ERBB4: variants seen among roughly 807,000 people sequenced by gnomAD.
ERBB4 encodes receptor tyrosine-protein kinase erbB-4.
ERBB4 carries 42 observed loss-of-function variants against 158.0 expected under a neutral mutation model. The observed-to-expected ratio is 0.27, with a 90% CI of 0.21 to 0.34. The LOEUF (loss-of-function observed/expected upper bound fraction) is 0.34. Ranked by LOEUF, ERBB4 falls within the 10% of genes least tolerant of loss-of-function variation. The pLI, the probability that ERBB4 is intolerant of heterozygous loss-of-function variation, is 1.00. For synonymous variants in ERBB4, 583 were observed against 558.7 expected (o/e 1.04, Z -0.61); for missense variants, 1,333 against 1,624.1 (o/e 0.82, Z 3.08).
chr2:212,269,269 C>G (rs2085258411), intron 1 of ERBB4, among the ~76,000 whole-genome samples: 1 of 151,842 alleles, frequency 6.6e-6, no homozygotes, highest in African/African-American at 2.4e-5. Flanking sequence ...GCCATTTACT[C>G]ACATCCCCAG....
chr2:212,141,634 G>C (rs549958138), intron 1 of ERBB4, among the ~76,000 whole-genome samples: 1 of 151,750 alleles, frequency 6.6e-6, no homozygotes, highest in Non-Finnish European at 1.5e-5. Flanking sequence ...CACTAACTCA[G>C]GCAAAAATCT....
intron 3 of ERBB4, among the ~76,000 whole-genome samples, chr2:211,891,970 C>T (rs2078980523): frequency 7.3e-6 from 1 of 137,480 alleles, no homozygotes; most frequent in African/African-American, 3.0e-5. Flanking sequence ...CTGACTTCTA[C>T]CAGAGGTACA....
intron 3 of ERBB4, among the ~76,000 whole-genome samples, chr2:211,806,227 C>T (rs544316088): frequency 1.1e-3 from 164 of 152,144 alleles, no homozygotes; most frequent in Non-Finnish European, 2.0e-3. Context: ...ATAAGAAAGG[C>T]AGAGACAGCT....
At chr2:212,469,943 T>C (rs1466553799) in intron 1 of ERBB4, among the ~76,000 whole-genome samples, 1 of 152,188 alleles carries the variant, frequency 6.6e-6, no homozygotes, top group African/African-American at 2.4e-5. Context: ...TAATTATTAA[T>C]ACTGTATTAT....
At chr2:212,041,287 T>C (rs1003763649) in intron 2 of ERBB4, among the ~76,000 whole-genome samples, 1 of 152,108 alleles carries the variant, frequency 6.6e-6, no homozygotes, top group Admixed American at 6.6e-5. Context: ...TGCTGTTTTT[T>C]TTCATAATCT....
chr2:211,423,264 A>AT (rs1425712118), intron 23 of ERBB4, among the ~76,000 whole-genome samples: 2 of 151,964 alleles, frequency 1.3e-5, no homozygotes, highest in Non-Finnish European at 2.9e-5. Flanking sequence ...TGCAAAGAAC[A>AT]TTTTTTATTT....
At chr2:212,018,577 G>A (rs960233445) in intron 2 of ERBB4, among the ~76,000 whole-genome samples, 2 of 152,128 alleles carry the variant, frequency 1.3e-5, no homozygotes, top group African/African-American at 4.8e-5. Context: ...CCTTTGAAAA[G>A]CTATTGAAAG....
intron 3 of ERBB4, among the ~76,000 whole-genome samples, chr2:211,789,323 A>G (rs548914786): frequency 1.6e-4 from 24 of 152,214 alleles, no homozygotes; most frequent in Admixed American, 1.4e-3. Context: ...GCAGTTGCAG[A>G]TATTAGTTCA....
At chr2:212,209,549 G>T (rs4145960) in intron 1 of ERBB4, among the ~76,000 whole-genome samples, 112,014 of 151,882 alleles carry the variant, frequency 0.74, 41,468 homozygotes, top group South Asian at 0.85. Context: ...CTAGTAATGT[G>T]ACTACTTGGG....
rs567729353 is a variant in ERBB4, at chr2:211,900,433, T to C, written c.421+46997A>G. Among the ~76,000 whole-genome samples, 22 of 151,298 alleles carry C rather than the reference T, an allele frequency of 1.5e-4. No homozygotes were observed. In the South Asian group the frequency reaches 4.4e-3, roughly 30 times the overall value. On this transcript the variant is annotated intron_variant, in intron 3 of 27. Coordinates refer to ENST00000342788, the MANE Select transcript of ERBB4 (RefSeq NM_005235.3). ...GCCTTCCTCATAATAGACTAGAACA[T>C]AGATGAAAGTAAAACAAACTCATTG... is the stretch of plus-strand genomic sequence containing the variant.
At position 212,003,185 on chromosome 2, in the gene ERBB4, GAAAGAAAGAAAGAAAGAAAGACA is replaced by G. The variant is rs1559293178; in HGVS notation, c.235-55592_235-55570del. 2.4e-3 allele frequency among the ~76,000 whole-genome samples: 158 copies of G among 66,370 alleles called. 6 individuals are homozygous for G. The highest frequency in any genetic ancestry group is 4.0e-3 in the Non-Finnish European group (110 of 27,506). 43.5% of individuals were successfully genotyped at this position (66,370 alleles called of 152,430 possible). ...AGAAAGAAAGAAAGAAAGAAAGAAA[GAAAGAAAGAAAGAAAGAAAGACA>G]GAAAGAAGGAAGGAAGGAAGGAAGG... is the stretch of plus-strand genomic sequence containing the variant. On this transcript the variant is annotated intron_variant, in intron 2 of 27. Coordinates refer to ENST00000342788, the MANE Select transcript of ERBB4 (RefSeq NM_005235.3).
At chr2:211,816,195 C>T (rs536360046) in intron 3 of ERBB4, among the ~76,000 whole-genome samples, 1 of 152,154 alleles carries the variant, frequency 6.6e-6, no homozygotes, top group South Asian at 2.1e-4. Flanking sequence ...GTGTACAATG[C>T]TGATTAAATG....
intron 25 of ERBB4, among the ~76,000 whole-genome samples, chr2:211,398,904 T>C (rs2125348018): frequency 6.6e-6 from 1 of 152,294 alleles, no homozygotes; most frequent in Middle Eastern, 3.4e-3. Context: ...TTTGTGGCAT[T>C]GGAGGCTTTG....
At chr2:212,504,789 T>C (rs1010158030) in intron 1 of ERBB4, among the ~76,000 whole-genome samples, 2 of 152,186 alleles carry the variant, frequency 1.3e-5, no homozygotes, top group African/African-American at 4.8e-5. Context: ...TTCTGAGTTG[T>C]GTTTGCATAT....
At chr2:212,258,556 T>C (rs2084824436) in intron 1 of ERBB4, among the ~76,000 whole-genome samples, 1 of 149,696 alleles carries the variant, frequency 6.7e-6, no homozygotes, top group Non-Finnish European at 1.5e-5. Context: ...TTTAAAAAGA[T>C]TTTCATTCCA....
chr2:212,481,784 C>T (rs1689712286), intron 1 of ERBB4, among the ~76,000 whole-genome samples: 1 of 152,134 alleles, frequency 6.6e-6, no homozygotes, highest in South Asian at 2.1e-4. Context: ...CAAACAATAC[C>T]TGCAAACCGT....
At chr2:211,922,692 A>T (rs1011942925) in intron 3 of ERBB4, among the ~76,000 whole-genome samples, 3 of 152,132 alleles carry the variant, frequency 2.0e-5, no homozygotes, top group African/African-American at 7.2e-5. Flanking sequence ...CAGTGCATAC[A>T]ACTGCTTACG....
chr2:211,674,583 A>G (rs1224061770), intron 13 of ERBB4, among the ~76,000 whole-genome samples: 6 of 152,264 alleles, frequency 3.9e-5, no homozygotes, highest in Middle Eastern at 3.4e-3. Context: ...CCTTTTATAA[A>G]TTTTCTTAAT....
chr2:212,189,264 T>C (rs777363498), intron 1 of ERBB4, among the ~76,000 whole-genome samples: 14 of 152,150 alleles, frequency 9.2e-5, no homozygotes, highest in Non-Finnish European at 1.8e-4. Flanking sequence ...CAAACTTTAT[T>C]TGAAATTATT....
Sources: gnomAD v4.1 joint callset for allele counts (sites outside exome capture counted in the v4.1 genomes callset) on GRCh38, gnomAD v4.1.1 for gene constraint, MANE v1.5 for transcripts, NCBI Gene and HGNC (gene_info 2026-07-23, HGNC 2026-07-21) for gene names.